ASAP1: variants seen among roughly 807,000 people sequenced by gnomAD.
ASAP1 encodes the protein arf-GAP with SH3 domain, ANK repeat and PH domain-containing protein 1.
A neutral mutation model predicts 145.2 loss-of-function variants in ASAP1; 43 were observed. That is an observed-to-expected ratio of 0.30 (90% CI 0.23 to 0.38). The LOEUF (loss-of-function observed/expected upper bound fraction) is 0.38. Ranked by LOEUF, ASAP1 falls within the 10% of genes least tolerant of loss-of-function variation. The pLI is 1.00. For synonymous variants in ASAP1, 546 were observed against 515.5 expected (o/e 1.06, Z -0.80); for missense variants, 1,018 against 1,355.3 (o/e 0.75, Z 3.91).
Position 130,054,459 on chromosome 8 carries a change from G to T in ASAP1, c.*272C>A. On this transcript the variant is annotated 3_prime_UTR_variant, in exon 30 of 30. Transcript: ENST00000518721. ...CCTATACTCCTATTTTTGTTTGTTT[G>T]CTTGTAGAACAGCATAGAGAGATGT... 1.3e-5 allele frequency: 4 copies of T among 306,290 alleles called. No homozygotes were observed. The highest frequency in any genetic ancestry group is 4.1e-5 in the Admixed American group (1 of 24,650). The allele number at this position is 306,290 out of a possible 1,614,324, so 19.0% of individuals were successfully genotyped here. A position where few individuals can be genotyped will look rare whatever the true frequency, so the allele number is the denominator to read the frequency against.
At chr8:130,321,782 A>G (rs757826723) in intron 3 of ASAP1, among the ~76,000 whole-genome samples, 20 of 152,236 alleles carry the variant, frequency 1.3e-4, no homozygotes, top group Non-Finnish European at 2.5e-4. Flanking sequence ...GTCTTTTAAC[A>G]TCAGTTATCT....
At chr8:130,147,929 T>G (rs1307091775) in intron 13 of ASAP1, among the ~76,000 whole-genome samples, 1 of 152,240 alleles carries the variant, frequency 6.6e-6, no homozygotes, top group South Asian at 2.1e-4. Context: ...TGACAATAAA[T>G]TTAATAATCG....
chr8:130,379,747 G>T (rs1827679636), intron 2 of ASAP1, among the ~76,000 whole-genome samples: 1 of 152,196 alleles, frequency 6.6e-6, no homozygotes, highest in Non-Finnish European at 1.5e-5. Context: ...TGCCATTCCT[G>T]CTGAGACACT....
intron 3 of ASAP1, among the ~76,000 whole-genome samples, chr8:130,288,930 T>C (rs984870320): frequency 6.6e-6 from 1 of 152,222 alleles, no homozygotes; most frequent in South Asian, 2.1e-4. Flanking sequence ...CTCATGCTTG[T>C]AATCCCAGCA....
At chr8:130,261,747 A>G (rs1443172814) in intron 3 of ASAP1, among the ~76,000 whole-genome samples, 3 of 152,156 alleles carry the variant, frequency 2.0e-5, no homozygotes, top group African/African-American at 7.2e-5. Flanking sequence ...GTGAGTGCCT[A>G]CATGGAAGCC....
intron 3 of ASAP1, among the ~76,000 whole-genome samples, chr8:130,298,482 A>G (rs1822422941): frequency 6.6e-6 from 1 of 152,142 alleles, no homozygotes; most frequent in African/African-American, 2.4e-5. Context: ...GGTCATGTCT[A>G]CAAACACTGT....
intron 11 of ASAP1, among the ~76,000 whole-genome samples, chr8:130,160,988 T>C (rs185926882): frequency 6.6e-6 from 1 of 152,204 alleles, no homozygotes; most frequent in Non-Finnish European, 1.5e-5. Context: ...GACAATCAAA[T>C]GTCTGTATTT....
chr8:130,090,664 C>T (rs1325483097), intron 25 of ASAP1, among the ~76,000 whole-genome samples: 1 of 152,104 alleles, frequency 6.6e-6, no homozygotes, highest in African/African-American at 2.4e-5. Flanking sequence ...AATGACTTAC[C>T]CACGTGTGTC....
intron 3 of ASAP1, among the ~76,000 whole-genome samples, chr8:130,347,782 G>A (rs1326618826): frequency 6.6e-6 from 1 of 152,216 alleles, no homozygotes; most frequent in African/African-American, 2.4e-5. Flanking sequence ...GGGCACTGGA[G>A]CTGGGAATAA....
chr8:130,192,868 A>G (rs1815232512), intron 5 of ASAP1, among the ~76,000 whole-genome samples: 1 of 152,242 alleles, frequency 6.6e-6, no homozygotes, highest in Admixed American at 6.5e-5. Context: ...ATTTGTGTAC[A>G]AAGTTCTTCT....
intron 7 of ASAP1, among the ~76,000 whole-genome samples, chr8:130,184,312 G>C (rs1361997998): frequency 1.3e-5 from 2 of 152,204 alleles, no homozygotes; most frequent in African/African-American, 4.8e-5. Flanking sequence ...GTCTACCACA[G>C]CAATACATCA....
At chr8:130,316,383 T>C (rs1823663788) in intron 3 of ASAP1, among the ~76,000 whole-genome samples, 2 of 152,256 alleles carry the variant, frequency 1.3e-5, no homozygotes, top group African/African-American at 4.8e-5. Context: ...CAAGTATTCC[T>C]GATGTGGCCT....
intron 4 of ASAP1, among the ~76,000 whole-genome samples, chr8:130,230,865 T>A (rs1817871378): frequency 1.3e-5 from 2 of 152,194 alleles, no homozygotes; most frequent in South Asian, 4.1e-4. Flanking sequence ...ATATGCTTGT[T>A]AAGAAAACTT....
intron 2 of ASAP1, among the ~76,000 whole-genome samples, chr8:130,362,467 T>C (rs1397420785): frequency 6.6e-6 from 1 of 152,238 alleles, no homozygotes; most frequent in Admixed American, 6.5e-5. Context: ...TTTCAGATTA[T>C]TGTGTGAAAT....
intron 3 of ASAP1, among the ~76,000 whole-genome samples, chr8:130,253,622 C>T (rs144342525): frequency 1.2e-3 from 184 of 152,170 alleles, no homozygotes; most frequent in Middle Eastern, 3.4e-3. Flanking sequence ...CTGTAACTTC[C>T]GTCTGCCATT....
chr8:130,247,957 C>T (rs1288815912), intron 3 of ASAP1, among the ~76,000 whole-genome samples: 1 of 152,152 alleles, frequency 6.6e-6, no homozygotes, highest in Non-Finnish European at 1.5e-5. Flanking sequence ...AACCACAACA[C>T]CACGTGGAGA....
intron 24 of ASAP1, among the ~76,000 whole-genome samples, chr8:130,100,711 T>C (rs1347138831): frequency 1.3e-5 from 2 of 152,316 alleles, no homozygotes; most frequent in East Asian, 3.9e-4. Flanking sequence ...TGCTGCTGAA[T>C]TGAGTTCCTT....
chr8:130,214,424 A>G, intron 5 of ASAP1, 132 bp downstream of exon 5: 1 of 895,596 alleles, frequency 1.1e-6, no homozygotes, highest in Non-Finnish European at 1.5e-6. Context: ...CTAGGACTAA[A>G]AAGCTTTTTG....
At chr8:130,301,625 C>G (rs1261807307) in intron 3 of ASAP1, among the ~76,000 whole-genome samples, 2 of 152,046 alleles carry the variant, frequency 1.3e-5, no homozygotes, top group Non-Finnish European at 2.9e-5. Context: ...CCAAAAAACC[C>G]CAATTGTCCT....
Sources: allele counts gnomAD v4.1 joint callset (sites outside exome capture counted in the v4.1 genomes callset), GRCh38; gene constraint gnomAD v4.1.1; transcripts MANE v1.5; gene names NCBI Gene and HGNC (gene_info 2026-07-23, HGNC 2026-07-21).